ANKEF1: variants seen among roughly 807,000 people sequenced by gnomAD.
The protein encoded by ANKEF1 is ankyrin repeat and EF-hand domain containing 1, also known as ankyrin repeat and EF-hand domain-containing protein 1.
In ANKEF1, 43 loss-of-function variants were observed where a neutral mutation model predicts 65.1. That is an observed-to-expected ratio of 0.66 (90% CI 0.52 to 0.85). The LOEUF is 0.85. Among genes scored for constraint, ANKEF1 ranks in the 40% least tolerant of loss-of-function variants. The pLI, the probability that ANKEF1 is intolerant of heterozygous loss-of-function variation, is 0.00. For synonymous variants in ANKEF1, 316 were observed against 341.5 expected, an observed-to-expected ratio of 0.93 and a Z score of 0.82; for missense variants, 934 against 952.9, an observed-to-expected ratio of 0.98 and a Z score of 0.26.
chr20:10,039,739 A>G (rs185075696), intron 3 of ANKEF1, among the ~76,000 whole-genome samples: 3 of 152,332 alleles, frequency 2.0e-5, no homozygotes. Context: ...TACTACAGGC[A>G]AAATTGGTTC....
intron 10 of ANKEF1, 118 bp from the exon 11 acceptor site, chr20:10,055,384 T>A: frequency 1.1e-6 from 1 of 931,864 alleles, no homozygotes; most frequent in East Asian, 2.6e-5. Context: ...TAGTTTTAAG[T>A]TAAAACTATA....
intron 10 of ANKEF1, 121 bp from the exon 11 acceptor site, chr20:10,055,381 A>T: frequency 1.2e-6 from 1 of 864,802 alleles, no homozygotes; most frequent in Non-Finnish European, 1.8e-6. Flanking sequence ...TAATAGTTTT[A>T]AGTTAAAACT....
Position 10,053,261 on chromosome 20 carries a change from A to G in ANKEF1, c.2020A>G (p.Ile674Val). The change falls in exon 9 of 11, where the codon ATT (isoleucine) becomes GTT (valine). Residue 674 changes from isoleucine (I) to valine (V), a missense_variant. Coordinates refer to ENST00000378392, the MANE Select transcript of ANKEF1 (RefSeq NM_022096.6). Reference sequence around the variant, plus strand: ...TATACTGAAGACTGAAGGCCCTGAAATTAAGAAAGAAGAGGTAAGAAAAAT... The same window carrying G: ...TATACTGAAGACTGAAGGCCCTGAAGTTAAGAAAGAAGAGGTAAGAAAAAT... ...PPILKTEGPEIKKEEELLSSI... is the reference protein window; with the variant it reads ...PPILKTEGPEVKKEEELLSSI... The G allele has an allele frequency of 6.3e-7, 1 of 1,591,396 alleles. No homozygotes were observed. The highest frequency in any genetic ancestry group is 8.5e-7 in the Non-Finnish European group (1 of 1,174,200).
Position 10,053,411 on chromosome 20 carries a change from A to G in ANKEF1, c.2034+136A>G, listed in dbSNP as rs1375214063. Reference sequence around the variant, plus strand: ...TGCAGTGCATACTTTCAATAGCATTATTATATAGTACTTTTAAAGAAATAT... The same window carrying G: ...TGCAGTGCATACTTTCAATAGCATTGTTATATAGTACTTTTAAAGAAATAT... On this transcript the variant is annotated intron_variant, in intron 9 of 10. Coordinates refer to ENST00000378392, the MANE Select transcript of ANKEF1 (RefSeq NM_022096.6). 5 of 651,814 alleles carry G rather than the reference A, an allele frequency of 7.7e-6. No individual in the cohort carries two copies. The African/African-American group carries it at 9.2e-5, about 12-fold the overall frequency. The allele number at this position is 651,814 out of a possible 1,614,324, so 40.4% of individuals were successfully genotyped here.
intron 7 of ANKEF1, 133 bp from the exon 8 acceptor site, chr20:10,051,530 T>C (rs1219532877): frequency 3.0e-6 from 2 of 673,428 alleles, no homozygotes; most frequent in Admixed American, 3.0e-5. Context: ...ACAAAGAGGT[T>C]TGAAGAAAAA....
Position 10,055,829 on chromosome 20 carries a change from A to T in ANKEF1, c.*169A>T, listed in dbSNP as rs1985119829. 1 of 643,452 alleles carries T rather than the reference A, an allele frequency of 1.6e-6. No individual in the cohort carries two copies. Among genetic ancestry groups the T allele is most frequent in the Admixed American group, 3.0e-5 (1 of 33,814 alleles). The allele number at this position is 643,452 out of a possible 1,614,324, so 39.9% of individuals were successfully genotyped here. A position where few individuals can be genotyped will look rare whatever the true frequency, so the allele number is the denominator to read the frequency against. On this transcript the variant is annotated 3_prime_UTR_variant, in exon 11 of 11. Coordinates refer to ENST00000378392, the MANE Select transcript of ANKEF1 (RefSeq NM_022096.6). Reference sequence around the variant, plus strand: ...ATATTCTTAGCTGTCTAGAGAAAAGATGTATGTTATTTTGAAATGAATGGT... The same window carrying T: ...ATATTCTTAGCTGTCTAGAGAAAAGTTGTATGTTATTTTGAAATGAATGGT...
intron 4 of ANKEF1, 22 bp downstream of exon 4, chr20:10,043,343 C>T: frequency 1.9e-6 from 3 of 1,604,428 alleles, no homozygotes; most frequent in East Asian, 2.2e-5. Context: ...CTTGTGATTA[C>T]AAATATTTCT....
intron 7 of ANKEF1, among the ~76,000 whole-genome samples, 159 bp downstream of exon 7, chr20:10,050,371 A>G (rs1488235377): frequency 1.3e-5 from 2 of 151,742 alleles, no homozygotes; most frequent in African/African-American, 2.4e-5. Context: ...CAATTAACTT[A>G]TAGGCTTCAT....
At chr20:10,055,395 A>T in intron 10 of ANKEF1, 107 bp from the exon 11 acceptor site, 1 of 1,048,346 alleles carries the variant, frequency 9.5e-7, no homozygotes, top group Non-Finnish European at 1.4e-6. Context: ...TAAAACTATA[A>T]ACAAATTTTT....
chr20:10,036,649 C>T (rs1983875925), intron 2 of ANKEF1, among the ~76,000 whole-genome samples: 1 of 152,310 alleles, frequency 6.6e-6, no homozygotes, highest in Admixed American at 6.5e-5. Context: ...CAAGATCAGC[C>T]TGGCCAACAT....
At chr20:10,042,133 A>G (rs946003586) in intron 3 of ANKEF1, among the ~76,000 whole-genome samples, 14 of 152,270 alleles carry the variant, frequency 9.2e-5, no homozygotes, top group Admixed American at 8.5e-4. Context: ...GTTCTTAATC[A>G]ACTTTTCCTA....
intron 7 of ANKEF1, 102 bp downstream of exon 7, chr20:10,050,314 T>C (rs1219277894): frequency 4.6e-6 from 4 of 874,850 alleles, no homozygotes; most frequent in African/African-American, 1.7e-5. Context: ...AGTGCTACTT[T>C]ATTAAAGTCT....
chr20:10,049,665 A>C lies in ANKEF1; in HGVS notation c.1096A>C (p.Arg366=). 6.2e-7 allele frequency: 1 copy of C among 1,614,144 alleles called. No individual in the cohort carries two copies. The highest frequency in any genetic ancestry group is 8.5e-7 in the Non-Finnish European group (1 of 1,180,030). ...KNDFVMVLEE[R]QDYASSEQLA... The stretch of plus-strand genomic sequence containing the variant: ...CGACTTCGTGATGGTGTTGGAGGAA[A>C]GGCAGGATTATGCAAGCTCAGAACA... Residue 366 remains arginine (R), a synonymous_variant, in exon 7 of 11, where the codon AGG becomes CGG. Coordinates refer to ENST00000378392, the MANE Select transcript of ANKEF1 (RefSeq NM_022096.6).
intron 2 of ANKEF1, among the ~76,000 whole-genome samples, chr20:10,036,692 A>G (rs1568507980): frequency 6.6e-6 from 1 of 152,106 alleles, no homozygotes; most frequent in Non-Finnish European, 1.5e-5. Context: ...AAATACAAAA[A>G]TTAGCCAGGT....
At position 10,057,837 on chromosome 20, in the gene ANKEF1, C is replaced by T. The variant is rs1203669977; in HGVS notation, c.*2177C>T. The T allele has an allele frequency of 4.6e-5, 7 of 152,180 alleles. No individual in the cohort carries two copies. Among genetic ancestry groups the T allele is most frequent in the African/African-American group, 9.6e-5 (4 of 41,454 alleles). The allele number at this position is 152,180 out of a possible 1,614,324, so 9.4% of individuals were successfully genotyped here. ...GTACTCCCAGGTCATGAAATACATT[C>T]GCTTGCCCCATCTCTTTAGTCTCTT... On this transcript the variant is annotated 3_prime_UTR_variant, in exon 11 of 11. Coordinates refer to ENST00000378392, the MANE Select transcript of ANKEF1 (RefSeq NM_022096.6).
chr20:10,044,336 C>A, intron 4 of ANKEF1, 58 bp from the exon 5 acceptor site: 1 of 1,567,426 alleles, frequency 6.4e-7, no homozygotes, highest in Non-Finnish European at 8.7e-7. Context: ...TGTACTGATT[C>A]TGCTACTTAA....
chr20:10,054,449 T>G lies in ANKEF1; in HGVS notation c.2035-13T>G. ...ATTTTTACAATTTATAATTTTTTTG[T>G]TCTTGTTTCCAGGAACTGCTGTCAT... is the stretch of plus-strand genomic sequence containing the variant. On this transcript the variant is annotated splice_polypyrimidine_tract_variant and intron_variant, in intron 9 of 10. Coordinates refer to ENST00000378392, the MANE Select transcript of ANKEF1 (RefSeq NM_022096.6). 6.6e-7 allele frequency: 1 copy of G among 1,525,980 alleles called. No homozygotes were observed. Among genetic ancestry groups the G allele is most frequent in the Non-Finnish European group, 8.7e-7 (1 of 1,143,324 alleles). The allele number at this position is 1,525,980 out of a possible 1,614,324, so 94.5% of individuals were successfully genotyped here.
At chr20:10,049,367 A>G (rs759991864) in intron 6 of ANKEF1, 23 bp from the exon 7 acceptor site, 1 of 1,582,470 alleles carries the variant, frequency 6.3e-7, no homozygotes, top group Non-Finnish European at 8.6e-7. Context: ...ACCATTCATA[A>G]TTAATGATGC....
rs778186200 is a variant in ANKEF1 at position 10,049,567 on chromosome 20, C to T, written c.998C>T (p.Ser333Phe). 15 of 1,614,064 alleles carry T rather than the reference C, an allele frequency of 9.3e-6. No individual in the cohort carries two copies. The highest frequency in any genetic ancestry group is 1.3e-5 in the Non-Finnish European group (15 of 1,180,006). Residue 333 changes from serine to phenylalanine, a missense_variant, in exon 7 of 11, where the codon TCC (serine) becomes TTC (phenylalanine). Coordinates refer to ENST00000378392, the MANE Select transcript of ANKEF1 (RefSeq NM_022096.6). ...PLWALRLHDW[S>F]VEREAFLREA... ...TGGGCCCTTAGACTGCACGATTGGT[C>T]CGTAGAACGTGAGGCTTTCCTCCGG...
Sources: allele counts gnomAD v4.1 joint callset (sites outside exome capture counted in the v4.1 genomes callset), GRCh38; gene constraint gnomAD v4.1.1; transcripts MANE v1.5; gene names NCBI Gene and HGNC (gene_info 2026-07-23, HGNC 2026-07-21).